ACMSD: variants seen among roughly 807,000 people sequenced by gnomAD.
ACMSD encodes 2-amino-3-carboxymuconate-6-semialdehyde decarboxylase.
A neutral mutation model predicts 45.9 loss-of-function variants in ACMSD; 37 were observed. That is an observed-to-expected ratio of 0.81 (90% CI 0.62 to 1.06). ACMSD has a LOEUF of 1.06. Ranked by LOEUF, ACMSD falls within the 50% of genes least tolerant of loss-of-function variation. The pLI is 0.00. For synonymous variants in ACMSD, 138 were observed against 148.8 expected, an observed-to-expected ratio of 0.93 and a Z score of 0.53; for missense variants, 434 against 420.9, an observed-to-expected ratio of 1.03 and a Z score of -0.27.
intron 1 of ACMSD, chr2:134,844,522 G>A (rs1000820558): frequency 1.1e-4 from 17 of 152,410 alleles, no homozygotes; most frequent in African/African-American, 3.9e-4. Flanking sequence ...TATCCTGACC[G>A]AGGGGTGGGG....
At chr2:134,841,680 C>A (rs1686814156) in intron 1 of ACMSD, among the ~76,000 whole-genome samples, 1 of 152,144 alleles carries the variant, frequency 6.6e-6, no homozygotes, top group Non-Finnish European at 1.5e-5. Flanking sequence ...TTCACAGCAA[C>A]AATGAGGATG....
chr2:134,845,509 G>GTCTCTCTCTCTCTCTCTCTC (rs59782657), intron 2 of ACMSD, among the ~76,000 whole-genome samples: 6 of 94,440 alleles, frequency 6.4e-5, no homozygotes, highest in Admixed American at 3.1e-4. Context: ...ACATTAAAAG[G>GTCTCTCTCTCTCTCTCTCTC]TCTCTCTCTC....
intron 2 of ACMSD, among the ~76,000 whole-genome samples, chr2:134,856,378 C>T (rs1687580534): frequency 6.6e-6 from 1 of 152,196 alleles, no homozygotes; most frequent in Admixed American, 6.5e-5. Context: ...GATGCCACTG[C>T]CATGTTCTGC....
At chr2:134,856,030 GCAGAGGAA>G (rs949896619) in intron 2 of ACMSD, among the ~76,000 whole-genome samples, 7 of 152,280 alleles carry the variant, frequency 4.6e-5, no homozygotes, top group African/African-American at 1.4e-4. Context: ...TGCCCTCAAA[GCAGAGGAA>G]CACTGTCTAG....
intron 1 of ACMSD, among the ~76,000 whole-genome samples, chr2:134,843,267 G>A (rs932605995): frequency 6.6e-6 from 1 of 152,168 alleles, no homozygotes; most frequent in African/African-American, 2.4e-5. Flanking sequence ...ATGCAGAGAG[G>A]AGAAACTGAG....
At chr2:134,886,422 G>C (rs1689465842) in intron 8 of ACMSD, among the ~76,000 whole-genome samples, 6 of 151,484 alleles carry the variant, frequency 4.0e-5, no homozygotes. Context: ...CTAATTTTTT[G>C]TATTTTTAGT....
intron 6 of ACMSD, 75 bp downstream of exon 6, chr2:134,867,747 G>T (rs1235567616): frequency 8.6e-7 from 1 of 1,160,662 alleles, no homozygotes; most frequent in Non-Finnish European, 1.3e-6. Flanking sequence ...AACCTATTAT[G>T]TCAAATAGGG....
intron 5 of ACMSD, among the ~76,000 whole-genome samples, chr2:134,865,205 CT>C: frequency 6.6e-6 from 1 of 152,186 alleles, no homozygotes; most frequent in Non-Finnish European, 1.5e-5. Context: ...CTTCTAATGA[CT>C]TGAAAGATTT....
chr2:134,873,147 G>C (rs1324579124), intron 8 of ACMSD: 1 of 161,488 alleles, frequency 6.2e-6, no homozygotes, highest in African/African-American at 2.4e-5. Context: ...CAGGGAGTCA[G>C]GGGAAGATGA....
chr2:134,867,544 T>C, intron 5 of ACMSD, 35 bp from the exon 6 acceptor site: 1 of 1,554,726 alleles, frequency 6.4e-7, no homozygotes, highest in Non-Finnish European at 8.9e-7. Context: ...CTCATCAAAG[T>C]AACCCTCTCT....
At chr2:134,840,180 A>AAAAAACAAAAAAC in intron 1 of ACMSD, among the ~76,000 whole-genome samples, 1 of 140,146 alleles carries the variant, frequency 7.1e-6, no homozygotes, top group South Asian at 2.7e-4. Context: ...AAAAAAAAAA[A>AAAAAACAAAAAAC]AAAAAAAAAA....
rs1199221391 is a variant in ACMSD, at chr2:134,859,350, C to A, written c.192C>A (p.Asp64Glu). 10 of 1,613,418 alleles carry A rather than the reference C, an allele frequency of 6.2e-6. No homozygotes were observed. Among genetic ancestry groups the A allele is most frequent in the Non-Finnish European group, 8.5e-6 (10 of 1,179,706 alleles). The change falls in exon 3 of 10, where the codon GAC becomes GAA. Residue 64 changes from aspartate to glutamate, a missense_variant. Physicochemically the swap from Asp to Glu is conservative, Grantham distance 45. Transcript: ENST00000356140. ...CAGAAGTTCGTATTAGAGAAATGGACCAAAAAGGTACGATGAGAAGTGCTA... is the reference window on the plus strand; with the variant it reads ...CAGAAGTTCGTATTAGAGAAATGGAACAAAAAGGTACGATGAGAAGTGCTA... Reference protein sequence around the residue: ...WDPEVRIREMDQKGVTVQALS... With the variant: ...WDPEVRIREMEQKGVTVQALS...
Position 134,863,640 on chromosome 2 carries a change from C to A in ACMSD, c.486+9C>A. 1 of 1,613,126 alleles carries A rather than the reference C, an allele frequency of 6.2e-7. No homozygotes were observed. The highest frequency in any genetic ancestry group is 8.5e-7 in the Non-Finnish European group (1 of 1,179,592). On this transcript the variant is annotated intron_variant, in intron 5 of 9. Coordinates refer to ENST00000356140, the MANE Select transcript of ACMSD (RefSeq NM_138326.3). ...TCTTTCCTGTCTATGCGGTGAGTAG[C>A]GGGGCTGCTCAGCCAACGCCAGCCG...
chr2:134,856,481 T>A (rs1471354734), intron 2 of ACMSD, among the ~76,000 whole-genome samples: 3 of 152,124 alleles, frequency 2.0e-5, no homozygotes, highest in Non-Finnish European at 4.4e-5. Flanking sequence ...CATACAAGGG[T>A]TCCTTTTTCT....
At chr2:134,840,764 T>C (rs1159810061) in intron 1 of ACMSD, among the ~76,000 whole-genome samples, 1 of 151,860 alleles carries the variant, frequency 6.6e-6, no homozygotes. Context: ...TATTTTTATG[T>C]ATTTATTTTT....
chr2:134,840,618 T>A (rs2104803530), intron 1 of ACMSD, among the ~76,000 whole-genome samples: 1 of 152,310 alleles, frequency 6.6e-6, no homozygotes. Flanking sequence ...AGGCACCATC[T>A]TAGAACCAGG....
chr2:134,886,246 A>ATTATTATTATTTTTTTTTTTTTTTTTT, intron 8 of ACMSD, among the ~76,000 whole-genome samples: 1 of 115,452 alleles, frequency 8.7e-6, no homozygotes, highest in Non-Finnish European at 1.8e-5. Flanking sequence ...TATTATTATT[A>ATTATTATTATTTTTTTTTTTTTTTTTT]TTTTTTTTTT....
intron 2 of ACMSD, among the ~76,000 whole-genome samples, chr2:134,848,566 T>TA (rs1241426107): frequency 3.3e-5 from 5 of 152,234 alleles, no homozygotes; most frequent in African/African-American, 1.2e-4. Context: ...GTTGGGCACA[T>TA]AAATGTCTTC....
chr2:134,879,245 C>A (rs1688909414), intron 8 of ACMSD, among the ~76,000 whole-genome samples: 1 of 152,206 alleles, frequency 6.6e-6, no homozygotes, highest in Admixed American at 6.5e-5. Flanking sequence ...TTTGCCACCA[C>A]CATAGCAAGG....
Sources: gnomAD v4.1 joint callset for allele counts (sites outside exome capture counted in the v4.1 genomes callset) on GRCh38, gnomAD v4.1.1 for gene constraint, MANE v1.5 for transcripts, NCBI Gene and HGNC (gene_info 2026-07-23, HGNC 2026-07-21) for gene names.